The following CRIP3 variants were observed in gnomAD, a reference collection of about 807,000 sequenced individuals.
The protein encoded by CRIP3 is cysteine rich protein 3.
A neutral mutation model predicts 30.3 loss-of-function variants in CRIP3; 23 were observed. That is an observed-to-expected ratio of 0.76 (90% CI 0.55 to 1.08). The LOEUF is 1.08. Among genes scored for constraint, CRIP3 ranks in the 50% least tolerant of loss-of-function variants. CRIP3 has a pLI of 0.00. For missense variants in CRIP3, 261 were observed against 259.3 expected, an observed-to-expected ratio of 1.01 and a Z score of -0.04; for synonymous variants, 89 against 97.6, an observed-to-expected ratio of 0.91 and a Z score of 0.52.
Position 43,305,889 on chromosome 6 carries a change from C to T in CRIP3, c.554-14G>A. On this transcript the variant is annotated splice_polypyrimidine_tract_variant and intron_variant, in intron 7 of 7. Transcript: ENST00000372569. Reference sequence around the variant, plus strand: ...CAATGTTCACACCTGAGAGAGAGAGCCCTATCACCAAAGGCCCTGGGTCTG... The same window carrying T: ...CAATGTTCACACCTGAGAGAGAGAGTCCTATCACCAAAGGCCCTGGGTCTG... 10 of 1,614,146 alleles carry T rather than the reference C, an allele frequency of 6.2e-6. No individual in the cohort carries two copies. Among genetic ancestry groups the T allele is most frequent in the Non-Finnish European group, 8.5e-6 (10 of 1,180,016 alleles).
intron 7 of CRIP3, 52 bp from the exon 8 acceptor site, chr6:43,305,927 C>T: frequency 1.2e-6 from 2 of 1,613,602 alleles, no homozygotes; most frequent in Non-Finnish European, 1.7e-6. Flanking sequence ...GTGCAGGGTT[C>T]AGGCCTAGAG....
In CRIP3 at chr6:43,306,822, T is replaced by C. The variant is rs79158363; in HGVS notation, c.329-305A>G. On this transcript the variant is annotated intron_variant, in intron 4 of 7. Coordinates refer to ENST00000372569, the MANE Select transcript of CRIP3 (RefSeq NM_206922.3). The stretch of plus-strand genomic sequence containing the variant: ...AATCCTCAGGAAACTTGAGCTGATA[T>C]AGGAGCTGGCCACAGCACGGGTGTC... The C allele has an allele frequency of 5.4e-3, 1,764 of 329,252 alleles. 32 individuals carry two copies. Among genetic ancestry groups the C allele is most frequent in the African/African-American group, 0.035 (1,652 of 46,648 alleles). The allele number at this position is 329,252 out of a possible 1,614,324, so 20.4% of individuals were successfully genotyped here.
At chr6:43,308,591 G>A in intron 1 of CRIP3, 159 bp downstream of exon 1, 2 of 984,508 alleles carry the variant, frequency 2.0e-6, no homozygotes, top group East Asian at 2.6e-5. Flanking sequence ...CTCAGAGGAA[G>A]GGAGAAGACC....
intron 4 of CRIP3, chr6:43,307,015 G>C (rs1214253990): frequency 6.4e-6 from 1 of 156,796 alleles, no homozygotes; most frequent in Admixed American, 6.3e-5. Context: ...TAAGTTCCTG[G>C]CCAGCTTTGC....
chr6:43,308,656 C>G (rs1778997243), intron 1 of CRIP3, 94 bp downstream of exon 1: 13 of 1,497,468 alleles, frequency 8.7e-6, no homozygotes, highest in Admixed American at 3.4e-5. Flanking sequence ...AAAAGGGTGT[C>G]TGGGACTACA....
At chr6:43,306,410 T>C (rs371829804) in intron 5 of CRIP3, 36 bp downstream of exon 5, 4 of 1,092,058 alleles carry the variant, frequency 3.7e-6, no homozygotes, top group Non-Finnish European at 4.1e-6. Flanking sequence ...CTGCCCACCC[T>C]GTATCCCCCT....
At chr6:43,308,658 G>A in intron 1 of CRIP3, 92 bp downstream of exon 1, 1 of 1,497,790 alleles carries the variant, frequency 6.7e-7, no homozygotes, top group South Asian at 1.1e-5. Context: ...AAGGGTGTCT[G>A]GGACTACACT....
chr6:43,308,811 G>C lies in CRIP3; in HGVS notation c.-19C>G, dbSNP rs550806813. The C allele has an allele frequency of 5.6e-6, 9 of 1,613,778 alleles. No homozygotes were observed. In the East Asian group the frequency reaches 1.6e-4, roughly 28 times the overall value. On this transcript the variant is annotated 5_prime_UTR_variant, in exon 1 of 8. Coordinates refer to ENST00000372569, the MANE Select transcript of CRIP3 (RefSeq NM_206922.3). Reference sequence around the variant, plus strand: ...AGCTCATAGCTCCGCTCCAGGCAGCGCACGCGGCACACAGTAGGTACGCCG... The same window carrying C: ...AGCTCATAGCTCCGCTCCAGGCAGCCCACGCGGCACACAGTAGGTACGCCG...
rs1267158607 is a variant in CRIP3 at position 43,305,607 on chromosome 6, G to C, written c.*207C>G. ...CAGGAGGAGGATACCCTTCAAAACG[G>C]GCTGTTCCCTAACCAGATAGAAATG... is the stretch of plus-strand genomic sequence containing the variant. On this transcript the variant is annotated 3_prime_UTR_variant, in exon 8 of 8. Coordinates refer to ENST00000372569, the MANE Select transcript of CRIP3 (RefSeq NM_206922.3). The C allele has an allele frequency of 3.1e-6, 2 of 638,886 alleles. No individual in the cohort carries two copies. Among genetic ancestry groups the C allele is most frequent in the Non-Finnish European group, 5.5e-6 (2 of 366,464 alleles). 39.6% of individuals were successfully genotyped at this position (638,886 alleles called of 1,614,324 possible). A position where few individuals can be genotyped will look rare whatever the true frequency, so the allele number is the denominator to read the frequency against.
intron 2 of CRIP3, 29 bp from the exon 3 acceptor site, chr6:43,307,925 C>T (rs1778981579): frequency 1.2e-6 from 2 of 1,612,314 alleles, no homozygotes; most frequent in Non-Finnish European, 8.5e-7. Flanking sequence ...AAGTGGGTTA[C>T]TCAAGGCCAG....
chr6:43,306,040 C>A, intron 7 of CRIP3, 27 bp downstream of exon 7: 1 of 1,609,732 alleles, frequency 6.2e-7, no homozygotes, highest in Non-Finnish European at 8.5e-7. Flanking sequence ...TACATGCCAT[C>A]CCAGTGTCTG....
At position 43,305,476 on chromosome 6, in the gene CRIP3, A is replaced by C. The variant is rs202207276; in HGVS notation, c.*338T>G. The C allele has an allele frequency of 1.9e-5, 7 of 366,364 alleles. No homozygotes were observed. In the East Asian group the frequency reaches 4.4e-4, roughly 23 times the overall value. The allele number at this position is 366,364 out of a possible 1,614,324, so 22.7% of individuals were successfully genotyped here. On this transcript the variant is annotated 3_prime_UTR_variant, in exon 8 of 8. Coordinates refer to ENST00000372569, the MANE Select transcript of CRIP3 (RefSeq NM_206922.3). ...CCCAAAGAAGAGTTGAAGGCATGGG[A>C]GCCAACATTTTATTGAAGAAGCCAC...
At position 43,306,209 on chromosome 6, in the gene CRIP3, C is replaced by A. The variant is rs758253698; in HGVS notation, c.495+10G>T. On this transcript the variant is annotated intron_variant, in intron 6 of 7. Transcript: ENST00000372569. ...CTCCCAACATAACCACTCATTCCTG[C>A]CCTGCTCACCTCAGCATGACTCCCA... 9.6e-5 allele frequency: 155 copies of A among 1,614,054 alleles called. No individual in the cohort carries two copies. The highest frequency in any genetic ancestry group is 1.2e-4 in the Non-Finnish European group (144 of 1,180,028).
chr6:43,307,783 C>A (rs2150740664), intron 3 of CRIP3, 40 bp from the exon 4 acceptor site: 5 of 1,609,192 alleles, frequency 3.1e-6, no homozygotes, highest in Non-Finnish European at 4.2e-6. Context: ...GAGCCCCCAG[C>A]TCCCAGCCAC....
Position 43,308,730 on chromosome 6 carries a change from C to T in CRIP3, c.43+20G>A, listed in dbSNP as rs1279386662. On this transcript the variant is annotated intron_variant, in intron 1 of 7. Transcript: ENST00000372569. ...CTCCCATTCGCCCCATCTTCTCCCCCTCCGCAGCCCGGGCCTCACCGAAGA... is the reference window on the plus strand; with the variant it reads ...CTCCCATTCGCCCCATCTTCTCCCCTTCCGCAGCCCGGGCCTCACCGAAGA... 2 of 1,614,032 alleles carry T rather than the reference C, an allele frequency of 1.2e-6. No homozygotes were observed. Among genetic ancestry groups the T allele is most frequent in the Non-Finnish European group, 1.7e-6 (2 of 1,180,026 alleles).
intron 7 of CRIP3, 56 bp from the exon 8 acceptor site, chr6:43,305,931 C>A: frequency 6.2e-7 from 1 of 1,612,464 alleles, no homozygotes; most frequent in African/African-American, 1.3e-5. Context: ...AGGGTTCAGG[C>A]CTAGAGGGAA....
chr6:43,308,416 A>C lies in CRIP3; in HGVS notation c.44-7T>G. The C allele has an allele frequency of 1.9e-6, 3 of 1,612,110 alleles. No individual in the cohort carries two copies. Among genetic ancestry groups the C allele is most frequent in the Non-Finnish European group, 2.5e-6 (3 of 1,178,992 alleles). ...AGGGAGCTCACCTTCTCAGCTGTGG[A>C]GGACAAAGTGGAACCGAGCTGCGAG... On this transcript the variant is annotated splice_region_variant and splice_polypyrimidine_tract_variant and intron_variant, in intron 1 of 7. Transcript: ENST00000372569.
intron 4 of CRIP3, 59 bp downstream of exon 4, chr6:43,307,553 C>T (rs981945068): frequency 4.3e-5 from 59 of 1,377,098 alleles, no homozygotes; most frequent in Non-Finnish European, 4.7e-5. Context: ...GGCCCAACCT[C>T]CGCTCCAGCT....
At position 43,305,667 on chromosome 6, in the gene CRIP3, T is replaced by A. The variant is rs959171251; in HGVS notation, c.*147A>T. ...AAAAATTGGCAGAGAAAGTCTAGAC[T>A]CTCTGGCCTACCATGGAGCCTAGGC... On this transcript the variant is annotated 3_prime_UTR_variant, in exon 8 of 8. Transcript: ENST00000372569. 9 of 997,570 alleles carry A rather than the reference T, an allele frequency of 9.0e-6. No individual in the cohort carries two copies. Among genetic ancestry groups the A allele is most frequent in the Non-Finnish European group, 1.4e-5 (9 of 650,354 alleles). 61.8% of individuals were successfully genotyped at this position (997,570 alleles called of 1,614,324 possible).
Sources: gnomAD v4.1 joint callset for allele counts on GRCh38, gnomAD v4.1.1 for gene constraint, MANE v1.5 for transcripts, NCBI Gene and HGNC (gene_info 2026-07-23, HGNC 2026-07-21) for gene names.